SYT1: variants seen among roughly 807,000 people sequenced by gnomAD.
The protein encoded by SYT1 is synaptotagmin-1.
Under a neutral mutation model 44.8 loss-of-function variants are expected in SYT1, and 8 were observed. The ratio of observed to expected loss-of-function variants is 0.18; its 90% CI spans 0.10 to 0.32. The LOEUF (loss-of-function observed/expected upper bound fraction) is 0.32. Among genes scored for constraint, SYT1 ranks in the 10% least tolerant of loss-of-function variants. The probability of loss-of-function intolerance (pLI) is 1.00; values close to 1 mark genes in which losing one functional copy is unlikely to be tolerated. For synonymous variants in SYT1, 154 were observed against 188.8 expected, an observed-to-expected ratio of 0.82 and a Z score of 1.51; for missense variants, 286 against 509.3, an observed-to-expected ratio of 0.56 and a Z score of 4.22.
At chr12:79,221,051 T>A (rs1875129366) in intron 4 of SYT1, among the ~76,000 whole-genome samples, 1 of 152,154 alleles carries the variant, frequency 6.6e-6, no homozygotes, top group African/African-American at 2.4e-5. Flanking sequence ...GTATTACAGT[T>A]GATCTCTCCC....
chr12:79,378,836 A>C (rs989453442), intron 9 of SYT1, among the ~76,000 whole-genome samples: 2 of 152,234 alleles, frequency 1.3e-5, no homozygotes, highest in Admixed American at 1.3e-4. Flanking sequence ...TAAATGTCAT[A>C]AATAAAAATG....
intron 4 of SYT1, among the ~76,000 whole-genome samples, chr12:79,222,616 C>T (rs187034842): frequency 4.5e-4 from 69 of 152,250 alleles, no homozygotes; most frequent in Non-Finnish European, 8.8e-4. Flanking sequence ...CTCCTGACCT[C>T]GGGTGATCCA....
chr12:78,993,844 G>GTC (rs1252060453), intron 2 of SYT1, among the ~76,000 whole-genome samples: 1 of 152,182 alleles, frequency 6.6e-6, no homozygotes, highest in Non-Finnish European at 1.5e-5. Context: ...ATTAGAAGCA[G>GTC]TCTGATGCTC....
At chr12:79,248,880 T>G (rs1004894141) in intron 4 of SYT1, among the ~76,000 whole-genome samples, 9 of 152,128 alleles carry the variant, frequency 5.9e-5, no homozygotes, top group African/African-American at 1.9e-4. Flanking sequence ...TCTGAGAATA[T>G]TGACCCTTTA....
chr12:79,250,493 G>A (rs146195810), intron 4 of SYT1, among the ~76,000 whole-genome samples: 42 of 152,256 alleles, frequency 2.8e-4, no homozygotes, highest in African/African-American at 9.1e-4. Flanking sequence ...GGTAATTACC[G>A]TGCACAACTT....
intron 1 of SYT1, among the ~76,000 whole-genome samples, chr12:78,915,957 A>G (rs1876628144): frequency 1.3e-5 from 2 of 152,050 alleles, no homozygotes; most frequent in South Asian, 4.1e-4. Context: ...ATGCTAACTT[A>G]AAATACCAGT....
intron 2 of SYT1, among the ~76,000 whole-genome samples, chr12:79,036,952 T>G (rs1661561717): frequency 6.6e-6 from 1 of 151,854 alleles, no homozygotes; most frequent in African/African-American, 2.4e-5. Context: ...ATAGATGAAG[T>G]GATTTGCCTA....
intron 3 of SYT1, among the ~76,000 whole-genome samples, chr12:79,106,711 GA>G (rs1031733799): frequency 0.011 from 1,547 of 141,116 alleles, 24 homozygotes; most frequent in African/African-American, 0.03. Context: ...CTTTCCATAT[GA>G]AAAAAAAAAA....
chr12:79,354,097 T>C (rs1883018771), intron 9 of SYT1, among the ~76,000 whole-genome samples: 1 of 152,188 alleles, frequency 6.6e-6, no homozygotes, highest in African/African-American at 2.4e-5. Flanking sequence ...GAAATCTCTG[T>C]TTCAGAGTGA....
intron 2 of SYT1, among the ~76,000 whole-genome samples, chr12:79,018,591 T>G (rs544283620): frequency 9.9e-5 from 15 of 152,150 alleles, no homozygotes; most frequent in Non-Finnish European, 2.1e-4. Flanking sequence ...CTGCTAGAAG[T>G]GGATTTCCCT....
intron 8 of SYT1, among the ~76,000 whole-genome samples, chr12:79,318,260 A>G (rs1881194201): frequency 6.6e-6 from 1 of 152,190 alleles, no homozygotes; most frequent in African/African-American, 2.4e-5. Flanking sequence ...GGCCTGTTTA[A>G]TAGTCACCGG....
At chr12:78,975,250 A>C (rs1279363497) in intron 1 of SYT1, among the ~76,000 whole-genome samples, 2 of 151,958 alleles carry the variant, frequency 1.3e-5, no homozygotes, top group African/African-American at 4.8e-5. Context: ...ACTTACTACT[A>C]TTTAAATTAT....
chr12:79,035,996 C>G (rs1873107056), intron 2 of SYT1, among the ~76,000 whole-genome samples: 1 of 151,398 alleles, frequency 6.6e-6, no homozygotes, highest in South Asian at 2.1e-4. Context: ...TCCCAGGAAC[C>G]ATCCAGCCTT....
intron 2 of SYT1, among the ~76,000 whole-genome samples, chr12:79,014,655 A>T (rs1454523995): frequency 6.6e-6 from 1 of 152,182 alleles, no homozygotes; most frequent in Non-Finnish European, 1.5e-5. Context: ...CAGTGTGGCG[A>T]TTCCTCAGGG....
At chr12:79,026,261 A>G (rs554719064) in intron 2 of SYT1, among the ~76,000 whole-genome samples, 2 of 151,752 alleles carry the variant, frequency 1.3e-5, no homozygotes, top group East Asian at 3.9e-4. Context: ...TATCTGTTCC[A>G]TAAACATGTT....
chr12:78,899,570 T>C (rs1175921696), intron 1 of SYT1, among the ~76,000 whole-genome samples: 1 of 152,036 alleles, frequency 6.6e-6, no homozygotes, highest in Non-Finnish European at 1.5e-5. Flanking sequence ...TTTAAAAGTT[T>C]CTAAAATGTA....
At chr12:79,394,588 A>G (rs1884797874) in intron 9 of SYT1, among the ~76,000 whole-genome samples, 1 of 152,220 alleles carries the variant, frequency 6.6e-6, no homozygotes, top group South Asian at 2.1e-4. Context: ...GTCTCATTTT[A>G]AAGGTTAACA....
chr12:78,979,871 A>G (rs993328534), intron 2 of SYT1, among the ~76,000 whole-genome samples: 2 of 152,096 alleles, frequency 1.3e-5, no homozygotes, highest in African/African-American at 4.8e-5. Flanking sequence ...AGTTTTACAA[A>G]GCTTTGTAAA....
intron 5 of SYT1, among the ~76,000 whole-genome samples, chr12:79,286,393 TG>T (rs1879316364): frequency 6.6e-6 from 1 of 152,222 alleles, no homozygotes; most frequent in Non-Finnish European, 1.5e-5. Context: ...GTTTTACGGC[TG>T]TTCATCAAAC....
Sources: allele counts gnomAD v4.1 joint callset (sites outside exome capture counted in the v4.1 genomes callset), GRCh38; gene constraint gnomAD v4.1.1; transcripts MANE v1.5; gene names NCBI Gene and HGNC (gene_info 2026-07-23, HGNC 2026-07-21).